ADAMTSL1: variants seen among roughly 807,000 people sequenced by gnomAD.
The protein encoded by ADAMTSL1 is ADAMTS like 1, also known as ADAMTS-like protein 1.
ADAMTSL1 carries 126 observed loss-of-function variants against 201.8 expected under a neutral mutation model. That is an observed-to-expected ratio of 0.62 (90% CI 0.54 to 0.72). ADAMTSL1 has a LOEUF of 0.72. Ranked by LOEUF, ADAMTSL1 falls within the 30% of genes least tolerant of loss-of-function variation. ADAMTSL1 has a pLI of 0.00. For synonymous variants in ADAMTSL1, 1,121 were observed against 903.4 expected (o/e 1.24, Z -4.32); for missense variants, 2,679 against 2,277.8 (o/e 1.18, Z -3.59).
chr9:17,963,951 A>C (rs1286063630), intron 1 of ADAMTSL1, among the ~76,000 whole-genome samples: 1 of 152,080 alleles, frequency 6.6e-6, no homozygotes, highest in African/African-American at 2.4e-5. Context: ...TGTGCCTTTA[A>C]CATGCTCATA....
rs1372560276 is a variant in ADAMTSL1 at position 18,681,844 on chromosome 9, C to T, written c.1374C>T (p.Tyr458=). The change falls in exon 12 of 29, where the codon TAC becomes TAT. Residue 458 remains tyrosine (Y), a synonymous_variant. Coordinates refer to ENST00000380548, the MANE Select transcript of ADAMTSL1 (RefSeq NM_001040272.6). ...TGACATGTGGCCAGGGCCTCAGATA[C>T]CGTGTGGTCCTCTGCATCGACCATC... ...CTVTCGQGLR[Y]RVVLCIDHRG... is the part of the protein sequence containing the mutation. 9 of 1,613,496 alleles carry T rather than the reference C, an allele frequency of 5.6e-6. No individual in the cohort carries two copies. Among genetic ancestry groups the T allele is most frequent in the Middle Eastern group, 1.6e-4 (1 of 6,084 alleles).
At chr9:18,180,895 G>A (rs889366781) in intron 2 of ADAMTSL1, among the ~76,000 whole-genome samples, 2 of 152,140 alleles carry the variant, frequency 1.3e-5, no homozygotes, top group Admixed American at 1.3e-4. Flanking sequence ...ATACTACAAG[G>A]CTACAGTAAC....
intron 1 of ADAMTSL1, among the ~76,000 whole-genome samples, chr9:17,943,684 T>C (rs1158145594): frequency 1.3e-5 from 2 of 152,136 alleles, no homozygotes; most frequent in Admixed American, 1.3e-4. Flanking sequence ...TTCATGAATA[T>C]GGATTCTTAT....
At chr9:18,582,621 G>T (rs1305252536) in intron 4 of ADAMTSL1, among the ~76,000 whole-genome samples, 1 of 152,008 alleles carries the variant, frequency 6.6e-6, no homozygotes, top group African/African-American at 2.4e-5. Context: ...GGCTGAGGTG[G>T]GTGGATCATG....
At chr9:18,132,340 A>G (rs1263137029) in intron 1 of ADAMTSL1, among the ~76,000 whole-genome samples, 1 of 152,132 alleles carries the variant, frequency 6.6e-6, no homozygotes. Context: ...GTGTGTTTGA[A>G]TCAGTGGCGT....
At chr9:18,051,923 C>T (rs914877871) in intron 1 of ADAMTSL1, among the ~76,000 whole-genome samples, 2 of 152,320 alleles carry the variant, frequency 1.3e-5, no homozygotes, top group Non-Finnish European at 2.9e-5. Context: ...AGAAGTGTTT[C>T]TTTCACTTTA....
chr9:18,141,287 T>C (rs1826388050), intron 1 of ADAMTSL1, among the ~76,000 whole-genome samples: 1 of 152,112 alleles, frequency 6.6e-6, no homozygotes, highest in Non-Finnish European at 1.5e-5. Flanking sequence ...TTCCTCATCA[T>C]GGACAGAAGA....
At chr9:18,525,428 G>A (rs1196976618) in intron 2 of ADAMTSL1, among the ~76,000 whole-genome samples, 1 of 152,138 alleles carries the variant, frequency 6.6e-6, no homozygotes, top group South Asian at 2.1e-4. Flanking sequence ...AGGGTTTTTT[G>A]TGTGTCTATC....
intron 2 of ADAMTSL1, among the ~76,000 whole-genome samples, chr9:18,277,011 C>T (rs935842600): frequency 6.6e-6 from 1 of 152,118 alleles, no homozygotes; most frequent in Admixed American, 6.5e-5. Flanking sequence ...GACCGATTGG[C>T]TATTCAAGAA....
chr9:18,830,662 T>A (rs1824918510), intron 23 of ADAMTSL1, among the ~76,000 whole-genome samples: 1 of 151,950 alleles, frequency 6.6e-6, no homozygotes, highest in African/African-American at 2.4e-5. Flanking sequence ...CGGAAAAACC[T>A]TCACACATGA....
intron 1 of ADAMTSL1, among the ~76,000 whole-genome samples, chr9:18,132,268 C>T (rs1161551141): frequency 2.0e-5 from 3 of 152,128 alleles, no homozygotes; most frequent in South Asian, 2.1e-4. Context: ...TCAGCCACCC[C>T]ATATGCCATA....
At chr9:18,302,605 A>G (rs1396854983) in intron 2 of ADAMTSL1, among the ~76,000 whole-genome samples, 1 of 152,198 alleles carries the variant, frequency 6.6e-6, no homozygotes, top group African/African-American at 2.4e-5. Flanking sequence ...CTATAAATAC[A>G]CACTGGTTGA....
At chr9:18,374,315 T>C (rs1837186350) in intron 2 of ADAMTSL1, among the ~76,000 whole-genome samples, 2 of 151,862 alleles carry the variant, frequency 1.3e-5, no homozygotes, top group South Asian at 2.1e-4. Flanking sequence ...ATTTTATTTA[T>C]ATTTATTTAA....
intron 15 of ADAMTSL1, among the ~76,000 whole-genome samples, chr9:18,743,464 G>A (rs1227472908): frequency 6.6e-6 from 1 of 152,132 alleles, no homozygotes; most frequent in African/African-American, 2.4e-5. Context: ...TGTAATGTTG[G>A]TAACATTGAT....
chr9:18,152,139 A>AT (rs1826942792), intron 1 of ADAMTSL1, among the ~76,000 whole-genome samples: 1 of 152,058 alleles, frequency 6.6e-6, no homozygotes. Flanking sequence ...AGTTTCAGTA[A>AT]TTTACTCAAA....
intron 1 of ADAMTSL1, among the ~76,000 whole-genome samples, chr9:18,497,702 G>T (rs966536715): frequency 2.0e-5 from 3 of 152,174 alleles, no homozygotes; most frequent in African/African-American, 7.2e-5. Context: ...TCAATGGTCT[G>T]TCGAAAATTT....
chr9:18,568,051 T>C (rs1201397728), intron 3 of ADAMTSL1, among the ~76,000 whole-genome samples: 1 of 152,172 alleles, frequency 6.6e-6, no homozygotes, highest in Non-Finnish European at 1.5e-5. Context: ...AAATATCTTA[T>C]TGTACTGTGC....
intron 2 of ADAMTSL1, among the ~76,000 whole-genome samples, chr9:18,212,478 T>A (rs1357216901): frequency 6.6e-6 from 1 of 152,194 alleles, no homozygotes; most frequent in Non-Finnish European, 1.5e-5. Flanking sequence ...AAGTAATATT[T>A]TACTTGTCAC....
chr9:18,112,737 T>A (rs1347083495), intron 1 of ADAMTSL1, among the ~76,000 whole-genome samples: 3 of 152,112 alleles, frequency 2.0e-5, no homozygotes, highest in South Asian at 2.1e-4. Flanking sequence ...TGTGGGGAAT[T>A]TACTAGCTCA....
Sources: allele counts gnomAD v4.1 joint callset (sites outside exome capture counted in the v4.1 genomes callset), GRCh38; gene constraint gnomAD v4.1.1; transcripts MANE v1.5; gene names NCBI Gene and HGNC (gene_info 2026-07-23, HGNC 2026-07-21).